PHTF2: variants seen among roughly 807,000 people sequenced by gnomAD.
PHTF2 encodes the protein putative homeodomain transcription factor 2, also known as protein PHTF2.
In PHTF2, 60 loss-of-function variants were observed where a neutral mutation model predicts 101.2. That is an observed-to-expected ratio of 0.59 (90% CI 0.48 to 0.73). PHTF2 has a LOEUF of 0.73. PHTF2 is among the 30% of genes least tolerant of loss of function. The pLI is 0.00. For synonymous variants in PHTF2, 311 were observed against 307.3 expected, an observed-to-expected ratio of 1.01 and a Z score of -0.13; for missense variants, 747 against 908.7, an observed-to-expected ratio of 0.82 and a Z score of 2.29.
At chr7:77,799,914 C>T (rs1172096592) in intron 1 of PHTF2, among the ~76,000 whole-genome samples, 1 of 152,150 alleles carries the variant, frequency 6.6e-6, no homozygotes, top group East Asian at 1.9e-4. Flanking sequence ...AATAGTATAT[C>T]CTCCTTGCTT....
chr7:77,954,474 A>AT (rs1487005544), intron 19 of PHTF2, among the ~76,000 whole-genome samples: 1 of 151,928 alleles, frequency 6.6e-6, no homozygotes, highest in Non-Finnish European at 1.5e-5. Flanking sequence ...AATTTAGGTG[A>AT]TAAAAAAGAA....
At chr7:77,901,431 C>G (rs1562930897) in intron 6 of PHTF2, among the ~76,000 whole-genome samples, 2 of 150,512 alleles carry the variant, frequency 1.3e-5, no homozygotes, top group Non-Finnish European at 2.9e-5. Flanking sequence ...TGACACCACC[C>G]TGGGCAGCAG....
At chr7:77,879,408 G>A (rs982112445) in intron 3 of PHTF2, among the ~76,000 whole-genome samples, 1 of 152,032 alleles carries the variant, frequency 6.6e-6, no homozygotes, top group East Asian at 1.9e-4. Flanking sequence ...AACTCGTGAT[G>A]GCCTTCTCTC....
chr7:77,854,285 A>T (rs1796991594), intron 2 of PHTF2, among the ~76,000 whole-genome samples: 1 of 152,034 alleles, frequency 6.6e-6, no homozygotes, highest in African/African-American at 2.4e-5. Flanking sequence ...CCTTTCCTTT[A>T]GTTTTCACCA....
intron 3 of PHTF2, among the ~76,000 whole-genome samples, chr7:77,856,322 G>C (rs1206373637): frequency 6.6e-6 from 1 of 152,050 alleles, no homozygotes; most frequent in East Asian, 1.9e-4. Context: ...AAGCAACTGT[G>C]AATCAAAAAT....
At chr7:77,954,640 A>ATATATGTATGTGTATATATATATATG (rs1562982943) in intron 19 of PHTF2, among the ~76,000 whole-genome samples, 1 of 143,010 alleles carries the variant, frequency 7.0e-6, no homozygotes, top group African/African-American at 2.5e-5. Flanking sequence ...ATATATATAT[A>ATATATGTATGTGTATATATATATATG]TATATAGCCA....
At chr7:77,892,057 C>G (rs1047741862) in intron 3 of PHTF2, among the ~76,000 whole-genome samples, 1 of 152,188 alleles carries the variant, frequency 6.6e-6, no homozygotes, top group Non-Finnish European at 1.5e-5. Flanking sequence ...GTGGGTGGAT[C>G]ACGAGGTCAG....
Position 77,934,900 on chromosome 7 carries a change from A to C in PHTF2, c.1339-2810A>C, listed in dbSNP as rs556090267. Among the ~76,000 whole-genome samples, 12 of 152,240 alleles carry C rather than the reference A, an allele frequency of 7.9e-5. No homozygotes were observed. In the South Asian group the frequency reaches 1.7e-3, roughly 21 times the overall value. The stretch of plus-strand genomic sequence containing the variant: ...CTTGAACCCGGGAGGCGAAGGTTTC[A>C]GTTAGCCAAGAACCACACTCCAGCC... On this transcript the variant is annotated intron_variant, in intron 12 of 19. Transcript: ENST00000416283.
chr7:77,849,193 G>A (rs1327844591), intron 2 of PHTF2, among the ~76,000 whole-genome samples: 1 of 151,780 alleles, frequency 6.6e-6, no homozygotes, highest in Non-Finnish European at 1.5e-5. Flanking sequence ...GCGTGATCCC[G>A]GCTTACTGCA....
In PHTF2 at chr7:77,926,475, T is replaced by A. The variant is rs1033632290; in HGVS notation, c.1120-2634T>A. Among the ~76,000 whole-genome samples the A allele has an allele frequency of 5.9e-5, 9 of 152,282 alleles. No homozygotes were observed. In the South Asian group the frequency reaches 1.9e-3, roughly 32 times the overall value. On this transcript the variant is annotated intron_variant, in intron 11 of 19. Transcript: ENST00000416283. ...CAGCCCTCCTCCCACAAACACTCTA[T>A]TAACACACTGTAGATTCACAGTCCC...
intron 18 of PHTF2, among the ~76,000 whole-genome samples, chr7:77,952,590 G>A (rs927688639): frequency 6.6e-6 from 1 of 152,072 alleles, no homozygotes; most frequent in Non-Finnish European, 1.5e-5. Flanking sequence ...AATGCTCAAT[G>A]GGAAAAAAAT....
At chr7:77,865,355 A>G (rs932990885) in intron 3 of PHTF2, among the ~76,000 whole-genome samples, 3 of 151,936 alleles carry the variant, frequency 2.0e-5, no homozygotes, top group African/African-American at 7.3e-5. Flanking sequence ...CCCCCTGAGT[A>G]GCTGGGACTA....
In PHTF2 at chr7:77,954,426, G is replaced by A. The variant is rs193259158; in HGVS notation, c.2338-432G>A. ...TGGGATTGCAGGTGTGAGCCACCGC[G>A]CCTAGCAAGAAGTATTTATTTTTAC... On this transcript the variant is annotated intron_variant, in intron 19 of 19. Transcript: ENST00000416283. Among the ~76,000 whole-genome samples the A allele has an allele frequency of 1.4e-3, 218 of 152,052 alleles. 1 individual carries two copies. Among genetic ancestry groups the A allele is most frequent in the African/African-American group, 4.9e-3 (205 of 41,456 alleles).
chr7:77,810,476 T>G (rs1793349342), intron 1 of PHTF2, among the ~76,000 whole-genome samples: 1 of 152,256 alleles, frequency 6.6e-6, no homozygotes, highest in East Asian at 1.9e-4. Context: ...AACCTATGTT[T>G]TATTTCATGA....
At chr7:77,929,370 T>A in intron 12 of PHTF2, 43 bp downstream of exon 11, 1 of 933,484 alleles carries the variant, frequency 1.1e-6, no homozygotes, top group Non-Finnish European at 1.7e-6. Context: ...TGAGTCAAGC[T>A]CCTTTGAATT....
chr7:77,865,371 A>G (rs975983533), intron 3 of PHTF2, among the ~76,000 whole-genome samples: 2 of 151,982 alleles, frequency 1.3e-5, no homozygotes, highest in African/African-American at 2.4e-5. Context: ...GACTACAGGC[A>G]TGCGTCACCA....
intron 1 of PHTF2, among the ~76,000 whole-genome samples, chr7:77,824,259 GTTT>G (rs761677558): frequency 7.2e-6 from 1 of 138,466 alleles, no homozygotes; most frequent in Non-Finnish European, 1.6e-5. Context: ...ATCCTGGTTT[GTTT>G]TTTTTTTTTT....
intron 1 of PHTF2, among the ~76,000 whole-genome samples, chr7:77,833,596 C>T (rs1795227337): frequency 6.6e-6 from 1 of 152,122 alleles, no homozygotes; most frequent in South Asian, 2.1e-4. Flanking sequence ...CTCCATCTCT[C>T]TCTACAAAAG....
At position 77,913,374 on chromosome 7, in the gene PHTF2, C is replaced by T. The variant is rs181526301; in HGVS notation, c.776+2965C>T. Reference sequence around the variant, plus strand: ...CTGCATTCCAGCCTGGGTGACAGAGCGAGACTCTGTCTGAAAAAAAAAAAA... The same window carrying T: ...CTGCATTCCAGCCTGGGTGACAGAGTGAGACTCTGTCTGAAAAAAAAAAAA... On this transcript the variant is annotated intron_variant, in intron 9 of 19. Transcript: ENST00000416283. Among the ~76,000 whole-genome samples the T allele has an allele frequency of 2.2e-4, 30 of 135,468 alleles. No individual in the cohort carries two copies. The East Asian group carries it at 5.3e-3, about 24-fold the overall frequency. The allele number at this position is 135,468 out of a possible 152,430, so 88.9% of individuals were successfully genotyped here. A position where few individuals can be genotyped will look rare whatever the true frequency, so the allele number is the denominator to read the frequency against.
Sources: allele counts gnomAD v4.1 joint callset (sites outside exome capture counted in the v4.1 genomes callset), GRCh38; gene constraint gnomAD v4.1.1; transcripts MANE v1.5; gene names NCBI Gene and HGNC (gene_info 2026-07-23, HGNC 2026-07-21).